The following SPAG1 variants were observed in gnomAD, a reference collection of about 807,000 sequenced individuals.
SPAG1 encodes the protein sperm associated antigen 1.
A neutral mutation model predicts 100.5 loss-of-function variants in SPAG1; 69 were observed. That is an observed-to-expected ratio of 0.69 (90% CI 0.57 to 0.84). The LOEUF (loss-of-function observed/expected upper bound fraction) is 0.84. Ranked by LOEUF, SPAG1 falls within the 40% of genes least tolerant of loss-of-function variation. The probability of loss-of-function intolerance (pLI) is 0.00; values close to 1 mark genes in which losing one functional copy is unlikely to be tolerated. For synonymous variants in SPAG1, 336 were observed against 411.6 expected (o/e 0.82, Z 2.22); for missense variants, 955 against 1,133.1 (o/e 0.84, Z 2.26).
chr8:100,165,257 A>AGTTC, intron 2 of SPAG1: 1 of 523,236 alleles, frequency 1.9e-6, no homozygotes, highest in South Asian at 1.4e-5. Flanking sequence ...AATAATTCGC[A>AGTTC]GTTCTGAACC....
chr8:100,176,827 T>TCCTCTCCTCTCCTCC (rs1816143524), intron 3 of SPAG1, among the ~76,000 whole-genome samples: 1 of 147,592 alleles, frequency 6.8e-6, no homozygotes, highest in Non-Finnish European at 1.5e-5. Context: ...TCCTCTCCTC[T>TCCTCTCCTCTCCTCC]CCTCTCCTCT....
chr8:100,170,826 TTTA>T (rs767631736), intron 3 of SPAG1, among the ~76,000 whole-genome samples: 2,092 of 149,542 alleles, frequency 0.014, 30 homozygotes, highest in Admixed American at 0.024. Flanking sequence ...TATTTATTTA[TTTA>T]TTTATTTATT....
intron 8 of SPAG1, among the ~76,000 whole-genome samples, chr8:100,188,085 C>A (rs2132271091): frequency 6.6e-6 from 1 of 152,096 alleles, no homozygotes; most frequent in South Asian, 2.1e-4. Flanking sequence ...GAACTCCTGA[C>A]CTCAGGTGAT....
intron 16 of SPAG1, among the ~76,000 whole-genome samples, chr8:100,236,090 A>C (rs79507260): frequency 0.026 from 3,892 of 152,250 alleles, 155 homozygotes; most frequent in African/African-American, 0.087. Context: ...GCTGCACCCT[A>C]ATGAAAGACT....
intron 10 of SPAG1, among the ~76,000 whole-genome samples, chr8:100,200,992 A>G (rs1205929723): frequency 2.0e-5 from 3 of 151,938 alleles, no homozygotes; most frequent in African/African-American, 7.3e-5. Flanking sequence ...CCCCCTTAAG[A>G]AAGATTTTTT....
intron 14 of SPAG1, among the ~76,000 whole-genome samples, chr8:100,230,750 A>C (rs1234434812): frequency 2.0e-5 from 3 of 152,002 alleles, no homozygotes; most frequent in Non-Finnish European, 4.4e-5. Context: ...CAGCCTCCCG[A>C]GTAGCTAGGA....
At chr8:100,176,513 C>G (rs926920472) in intron 3 of SPAG1, among the ~76,000 whole-genome samples, 1 of 151,880 alleles carries the variant, frequency 6.6e-6, no homozygotes, top group African/African-American at 2.4e-5. Flanking sequence ...TTACAGGTGC[C>G]CACCACCACA....
chr8:100,216,243 C>T (rs1031234985), intron 12 of SPAG1, among the ~76,000 whole-genome samples: 2 of 152,182 alleles, frequency 1.3e-5, no homozygotes, highest in African/African-American at 4.8e-5. Context: ...AGCCAACATC[C>T]TTTCAGCTCA....
At chr8:100,195,399 CA>C (rs1563788455) in intron 10 of SPAG1, among the ~76,000 whole-genome samples, 4 of 151,426 alleles carry the variant, frequency 2.6e-5, no homozygotes, top group African/African-American at 9.7e-5. Flanking sequence ...TTTTAAGTGA[CA>C]AAAAATAATG....
chr8:100,186,454 T>C (rs1379119820), intron 7 of SPAG1, among the ~76,000 whole-genome samples: 1 of 152,210 alleles, frequency 6.6e-6, no homozygotes, highest in Non-Finnish European at 1.5e-5. Context: ...TATTTATCTT[T>C]TTCTACCTTC....
In SPAG1 at chr8:100,233,620, G is replaced by C. The variant is rs750882327; in HGVS notation, c.2115+83G>C. 26 of 1,366,300 alleles carry C rather than the reference G, an allele frequency of 1.9e-5. No individual in the cohort carries two copies. In the Admixed American group the frequency reaches 2.0e-4, roughly 10 times the overall value. 84.6% of individuals were successfully genotyped at this position (1,366,300 alleles called of 1,614,324 possible). A position where few individuals can be genotyped will look rare whatever the true frequency, so the allele number is the denominator to read the frequency against. ...TCACAAGCATAAATCTCCAGATCTT[G>C]GGATGGGATTGAGGTTATTCTTGGA... is the stretch of plus-strand genomic sequence containing the variant. On this transcript the variant is annotated intron_variant, in intron 16 of 18. Transcript: ENST00000388798.
intron 10 of SPAG1, among the ~76,000 whole-genome samples, chr8:100,195,046 C>A (rs1299478493): frequency 6.6e-6 from 1 of 151,814 alleles, no homozygotes; most frequent in Non-Finnish European, 1.5e-5. Flanking sequence ...GCACCTGTAA[C>A]CCCAGTTACT....
At chr8:100,212,178 C>G (rs1008806833) in intron 10 of SPAG1, among the ~76,000 whole-genome samples, 1 of 152,164 alleles carries the variant, frequency 6.6e-6, no homozygotes, top group African/African-American at 2.4e-5. Context: ...AGGTGATCAT[C>G]CACTGATTTT....
chr8:100,204,029 C>G (rs189313497), intron 10 of SPAG1, among the ~76,000 whole-genome samples: 1 of 152,190 alleles, frequency 6.6e-6, no homozygotes, highest in Admixed American at 6.5e-5. Flanking sequence ...CTCTGATGAA[C>G]CTTTCTTTTG....
At chr8:100,162,039 C>T (rs749827975) in intron 1 of SPAG1, among the ~76,000 whole-genome samples, 26 of 152,142 alleles carry the variant, frequency 1.7e-4, no homozygotes, top group Non-Finnish European at 3.2e-4. Flanking sequence ...TCCAGGAACA[C>T]CTAGGTGGGA....
rs884698 is a variant in SPAG1 at position 100,191,826 on chromosome 8, T to C, written c.939+330T>C. Among the ~76,000 whole-genome samples, 25,479 of 152,110 alleles carry C rather than the reference T, an allele frequency of 0.17. 2,445 individuals carry two copies. The highest frequency in any genetic ancestry group is 0.23 in the South Asian group (1,099 of 4,824). On this transcript the variant is annotated intron_variant, in intron 9 of 18. Coordinates refer to ENST00000388798, the MANE Select transcript of SPAG1 (RefSeq NM_003114.5). Reference sequence around the variant, plus strand: ...CCTAGGTAGGATTAGGGGTGAACTCTGTGGCCATTGAAGAGTGTTTCTCTT... The same window carrying C: ...CCTAGGTAGGATTAGGGGTGAACTCCGTGGCCATTGAAGAGTGTTTCTCTT...
intron 16 of SPAG1, among the ~76,000 whole-genome samples, chr8:100,237,152 C>A (rs939754977): frequency 3.9e-5 from 6 of 152,158 alleles, no homozygotes; most frequent in Non-Finnish European, 8.8e-5. Context: ...GTGATCTTGG[C>A]TCACTGCAAC....
intron 13 of SPAG1, among the ~76,000 whole-genome samples, chr8:100,224,277 C>T (rs761122517): frequency 1.1e-4 from 17 of 152,046 alleles, no homozygotes; most frequent in Non-Finnish European, 1.8e-4. Flanking sequence ...GGGCTGGGTG[C>T]GGTGGCTCAC....
intron 14 of SPAG1, among the ~76,000 whole-genome samples, chr8:100,227,546 A>G (rs1818568892): frequency 6.6e-6 from 1 of 152,182 alleles, no homozygotes; most frequent in Non-Finnish European, 1.5e-5. Context: ...TCTAGAGTCC[A>G]TTATTAATAG....
Sources: allele counts gnomAD v4.1 joint callset (sites outside exome capture counted in the v4.1 genomes callset), GRCh38; gene constraint gnomAD v4.1.1; transcripts MANE v1.5; gene names NCBI Gene and HGNC (gene_info 2026-07-23, HGNC 2026-07-21).